The following COL25A1 variants were observed in gnomAD, a reference collection of about 807,000 sequenced individuals.
The protein encoded by COL25A1 is collagen alpha-1(XXV) chain.
COL25A1 carries 103 observed loss-of-function variants against 128.4 expected under a neutral mutation model. That is an observed-to-expected ratio of 0.80 (90% CI 0.68 to 0.94). The LOEUF (loss-of-function observed/expected upper bound fraction) is 0.94. Ranked by LOEUF, COL25A1 falls within the 40% of genes least tolerant of loss-of-function variation. The pLI, the probability that COL25A1 is intolerant of heterozygous loss-of-function variation, is 0.00. For missense variants in COL25A1, 745 were observed against 840.0 expected, an observed-to-expected ratio of 0.89 and a Z score of 1.40; for synonymous variants, 279 against 277.2, an observed-to-expected ratio of 1.01 and a Z score of -0.06.
chr4:109,038,431 A>T (rs1485322773), intron 5 of COL25A1, among the ~76,000 whole-genome samples: 2 of 152,184 alleles, frequency 1.3e-5, no homozygotes, highest in Non-Finnish European at 2.9e-5. Flanking sequence ...CAACCGCATG[A>T]CCAATTCCAT....
intron 3 of COL25A1, among the ~76,000 whole-genome samples, chr4:109,089,947 C>A (rs1159521121): frequency 6.7e-6 from 1 of 148,938 alleles, no homozygotes; most frequent in Non-Finnish European, 1.5e-5. Flanking sequence ...TTTTTTTTTT[C>A]AAAAATTCAA....
At chr4:109,038,249 A>G (rs1425633724) in intron 5 of COL25A1, among the ~76,000 whole-genome samples, 1 of 152,232 alleles carries the variant, frequency 6.6e-6, no homozygotes, top group African/African-American at 2.4e-5. Flanking sequence ...TAAGAAAAGC[A>G]GATTTCCCTC....
intron 24 of COL25A1, among the ~76,000 whole-genome samples, chr4:108,855,737 C>T (rs1481667172): frequency 6.6e-6 from 1 of 152,040 alleles, no homozygotes; most frequent in Admixed American, 6.6e-5. Context: ...GTTTGTGAAA[C>T]TTTAAAATTG....
intron 19 of COL25A1, among the ~76,000 whole-genome samples, chr4:108,870,396 A>G (rs1001955673): frequency 6.6e-6 from 1 of 152,038 alleles, no homozygotes; most frequent in Non-Finnish European, 1.5e-5. Context: ...ATATTGATAT[A>G]TAACTCAAAT....
chr4:109,196,791 A>G (rs547146316), intron 3 of COL25A1, among the ~76,000 whole-genome samples: 13 of 152,184 alleles, frequency 8.5e-5, no homozygotes, highest in Non-Finnish European at 1.3e-4. Flanking sequence ...AGAAAAATCA[A>G]TCACCTGCAG....
At chr4:109,135,622 A>T in intron 3 of COL25A1, among the ~76,000 whole-genome samples, 1 of 150,552 alleles carries the variant, frequency 6.6e-6, no homozygotes, top group East Asian at 2.0e-4. Flanking sequence ...GTTCCTCCCA[A>T]ACAATTGAAG....
intron 8 of COL25A1, among the ~76,000 whole-genome samples, chr4:108,944,367 T>C (rs1291374577): frequency 6.6e-6 from 1 of 152,196 alleles, no homozygotes; most frequent in African/African-American, 2.4e-5. Flanking sequence ...TAGATGGTAA[T>C]GTGCCAGCAT....
At chr4:109,190,939 T>G (rs1014608950) in intron 3 of COL25A1, among the ~76,000 whole-genome samples, 6 of 152,244 alleles carry the variant, frequency 3.9e-5, no homozygotes, top group Non-Finnish European at 7.3e-5. Context: ...AATAAGACTT[T>G]GAGAATGGCT....
chr4:109,220,893 AGACAACTATTTTACTGATAT>A (rs921899174), intron 3 of COL25A1, among the ~76,000 whole-genome samples: 1 of 152,156 alleles, frequency 6.6e-6, no homozygotes, highest in Non-Finnish European at 1.5e-5. Flanking sequence ...GAATATAAGT[AGACAACTATTTTACTGATAT>A]GAGTGGATAT....
At chr4:109,188,565 A>T (rs1325842061) in intron 3 of COL25A1, among the ~76,000 whole-genome samples, 1 of 152,194 alleles carries the variant, frequency 6.6e-6, no homozygotes, top group East Asian at 1.9e-4. Context: ...ACATGTGTCA[A>T]ACTTCCAGGA....
intron 13 of COL25A1, among the ~76,000 whole-genome samples, chr4:108,902,620 A>C (rs937859788): frequency 2.0e-5 from 3 of 152,026 alleles, no homozygotes; most frequent in African/African-American, 4.8e-5. Context: ...AAACTAAGCA[A>C]TGTGAAGCTT....
At chr4:109,254,885 G>C (rs1481032104) in intron 3 of COL25A1, among the ~76,000 whole-genome samples, 1 of 151,866 alleles carries the variant, frequency 6.6e-6, no homozygotes, top group Non-Finnish European at 1.5e-5. Flanking sequence ...CTCTCCAAAA[G>C]AACAAAAAAG....
intron 8 of COL25A1, among the ~76,000 whole-genome samples, chr4:108,967,922 G>A (rs965678291): frequency 6.6e-6 from 1 of 152,144 alleles, no homozygotes; most frequent in African/African-American, 2.4e-5. Flanking sequence ...ATGAAATAAA[G>A]AGAATCAATT....
chr4:108,886,475 TG>T lies in COL25A1; in HGVS notation c.976-2254del, dbSNP rs1560806227. ...GTGTGTGTGTGTGTGTGTGTGTGTG[TG>T]TGTGTGTGTGTGTGTGTTTAGCTCA... On this transcript the variant is annotated intron_variant, in intron 18 of 37. Transcript: ENST00000399132. Among the ~76,000 whole-genome samples the T allele has an allele frequency of 2.6e-3, 336 of 127,958 alleles. 8 individuals carry two copies. Among genetic ancestry groups the T allele is most frequent in the African/African-American group, 8.8e-3 (319 of 36,310 alleles). 83.9% of individuals were successfully genotyped at this position (127,958 alleles called of 152,430 possible).
At chr4:108,951,417 GCT>G (rs1375298006) in intron 8 of COL25A1, among the ~76,000 whole-genome samples, 1 of 141,620 alleles carries the variant, frequency 7.1e-6, no homozygotes, top group Non-Finnish European at 1.5e-5. Context: ...ACAGTGTCTT[GCT>G]CTGTCATGGA....
intron 31 of COL25A1, among the ~76,000 whole-genome samples, chr4:108,835,861 C>CTTTTTTTTTTTTTTTTTTTTTTTGTTT (rs1733731937): frequency 2.2e-5 from 1 of 45,698 alleles, no homozygotes; most frequent in Non-Finnish European, 3.7e-5. Context: ...TTACATACGT[C>CTTTTTTTTTTTTTTTTTTTTTTTGTTT]TTTTTTTTTT....
At chr4:108,869,582 T>C (rs1366982851) in intron 19 of COL25A1, among the ~76,000 whole-genome samples, 1 of 152,162 alleles carries the variant, frequency 6.6e-6, no homozygotes, top group African/African-American at 2.4e-5. Flanking sequence ...GATCGAATTG[T>C]AGGACACCCA....
chr4:108,853,140 A>T (rs183440653), intron 24 of COL25A1, among the ~76,000 whole-genome samples: 19 of 152,300 alleles, frequency 1.2e-4, no homozygotes, highest in Admixed American at 1.0e-3. Flanking sequence ...TATTTAAAAA[A>T]TCTATGGCTG....
intron 3 of COL25A1, among the ~76,000 whole-genome samples, chr4:109,234,672 C>T (rs1425104229): frequency 6.6e-6 from 1 of 152,000 alleles, no homozygotes; most frequent in Admixed American, 6.6e-5. Context: ...TTCTCCCTGG[C>T]AATAAGAACA....
Sources: allele counts gnomAD v4.1 joint callset (sites outside exome capture counted in the v4.1 genomes callset), GRCh38; gene constraint gnomAD v4.1.1; transcripts MANE v1.5; gene names NCBI Gene and HGNC (gene_info 2026-07-23, HGNC 2026-07-21).